GRID2: variants seen among roughly 807,000 people sequenced by gnomAD.
GRID2 encodes glutamate ionotropic receptor delta type subunit 2, also known as glutamate receptor ionotropic, delta-2.
A neutral mutation model predicts 114.8 loss-of-function variants in GRID2; 33 were observed. The ratio of observed to expected loss-of-function variants is 0.29; its 90% CI spans 0.22 to 0.38. The LOEUF (loss-of-function observed/expected upper bound fraction) is 0.38. Among genes scored for constraint, GRID2 ranks in the 10% least tolerant of loss-of-function variants. The pLI is 1.00. For synonymous variants in GRID2, 505 were observed against 449.9 expected, an observed-to-expected ratio of 1.12 and a Z score of -1.55; for missense variants, 1,184 against 1,257.7, an observed-to-expected ratio of 0.94 and a Z score of 0.89.
intron 1 of GRID2, among the ~76,000 whole-genome samples, chr4:92,533,446 C>CACATACATACATACATACAT (rs71579567): frequency 3.3e-5 from 5 of 149,904 alleles, no homozygotes; most frequent in African/African-American, 4.9e-5. Context: ...AGTACTAGGA[C>CACATACATACATACATACAT]ACATACATAC....
At chr4:92,318,308 ATTTTTTTT>A (rs201137595) in intron 1 of GRID2, among the ~76,000 whole-genome samples, 1 of 130,906 alleles carries the variant, frequency 7.6e-6, no homozygotes, top group South Asian at 2.3e-4. Flanking sequence ...ATATATATAT[ATTTTTTTT>A]TTTTTTTTTG....
intron 13 of GRID2, among the ~76,000 whole-genome samples, chr4:93,596,213 TG>T (rs1242355675): frequency 6.6e-6 from 1 of 152,240 alleles, no homozygotes; most frequent in Non-Finnish European, 1.5e-5. Flanking sequence ...ATATGTTTAA[TG>T]TACAATAAAT....
At position 93,727,051 on chromosome 4, in the gene GRID2, C is replaced by T. The variant is rs549595327; in HGVS notation, c.2361-42159C>T. 1.6e-3 allele frequency among the ~76,000 whole-genome samples: 244 copies of T among 152,292 alleles called. 1 individual carries two copies. Among genetic ancestry groups the T allele is most frequent in the African/African-American group, 5.7e-3 (238 of 41,566 alleles). Reference sequence around the variant, plus strand: ...AATAGGAGTGGCGAGAGAGGGCATCCCTGACTTGTGCCAGTTTTCAAAGGT... The same window carrying T: ...AATAGGAGTGGCGAGAGAGGGCATCTCTGACTTGTGCCAGTTTTCAAAGGT... On this transcript the variant is annotated intron_variant, in intron 14 of 15. Transcript: ENST00000282020.
chr4:92,979,601 A>AATGACAT (rs1195475291), intron 2 of GRID2, among the ~76,000 whole-genome samples: 1 of 152,164 alleles, frequency 6.6e-6, no homozygotes. Flanking sequence ...GCCTTCGAAC[A>AATGACAT]ATGACATATC....
intron 2 of GRID2, among the ~76,000 whole-genome samples, chr4:92,859,506 T>A (rs1000247678): frequency 6.6e-6 from 1 of 152,126 alleles, no homozygotes; most frequent in African/African-American, 2.4e-5. Context: ...AACAAAAAGA[T>A]CCAAAATGAA....
At chr4:93,323,052 T>A (rs1023636700) in intron 8 of GRID2, among the ~76,000 whole-genome samples, 1 of 152,202 alleles carries the variant, frequency 6.6e-6, no homozygotes, top group South Asian at 2.1e-4. Context: ...TTAGTTTAAT[T>A]AGATCACTTT....
intron 8 of GRID2, among the ~76,000 whole-genome samples, chr4:93,279,576 A>T (rs1454057159): frequency 6.6e-6 from 1 of 151,908 alleles, no homozygotes; most frequent in East Asian, 1.9e-4. Context: ...TACATAATCT[A>T]TTATGAGTCG....
At chr4:92,681,744 A>G (rs1560529675) in intron 2 of GRID2, among the ~76,000 whole-genome samples, 1 of 152,132 alleles carries the variant, frequency 6.6e-6, no homozygotes, top group African/African-American at 2.4e-5. Flanking sequence ...CCAATTGTAA[A>G]TTTTTCTAAA....
chr4:93,541,176 A>G (rs949318544), intron 13 of GRID2, among the ~76,000 whole-genome samples: 1 of 152,182 alleles, frequency 6.6e-6, no homozygotes, highest in African/African-American at 2.4e-5. Context: ...AAGGAAGACA[A>G]TGAAATCTAA....
chr4:93,645,126 A>G (rs540269914), intron 14 of GRID2, among the ~76,000 whole-genome samples: 1 of 152,316 alleles, frequency 6.6e-6, no homozygotes, highest in South Asian at 2.1e-4. Flanking sequence ...GTGAAGGCAA[A>G]AGAAATGAAA....
intron 13 of GRID2, among the ~76,000 whole-genome samples, chr4:93,517,621 C>G (rs1272271457): frequency 6.6e-6 from 1 of 151,890 alleles, no homozygotes; most frequent in African/African-American, 2.4e-5. Flanking sequence ...TCTTGGCCAG[C>G]TTCTATTAAA....
At chr4:93,225,425 C>T (rs1466612106) in intron 7 of GRID2, among the ~76,000 whole-genome samples, 1 of 152,104 alleles carries the variant, frequency 6.6e-6, no homozygotes, top group Non-Finnish European at 1.5e-5. Context: ...TCATGTCATC[C>T]TTCTTGACAT....
intron 4 of GRID2, 75 bp from the exon 5 acceptor site, chr4:93,207,329 C>A: frequency 3.0e-6 from 3 of 985,484 alleles, no homozygotes; most frequent in Non-Finnish European, 4.9e-6. Context: ...TTGTCATTTG[C>A]AAAGTATATT....
At chr4:93,217,002 T>C in intron 6 of GRID2, 91 bp downstream of exon 6, 1 of 821,814 alleles carries the variant, frequency 1.2e-6, no homozygotes, top group Non-Finnish European at 2.0e-6. Flanking sequence ...TTCAGAATTA[T>C]ACGTGTTATT....
intron 1 of GRID2, among the ~76,000 whole-genome samples, chr4:92,518,801 C>A (rs182399447): frequency 1.6e-3 from 237 of 151,946 alleles, no homozygotes; most frequent in Non-Finnish European, 2.1e-3. Context: ...TACATGGAAT[C>A]TCTTCAATTA....
intron 2 of GRID2, among the ~76,000 whole-genome samples, chr4:92,979,533 G>GT (rs1338224595): frequency 6.6e-6 from 1 of 152,096 alleles, no homozygotes; most frequent in African/African-American, 2.4e-5. Flanking sequence ...GCATGCTGAA[G>GT]TTTGCAAAAT....
intron 1 of GRID2, among the ~76,000 whole-genome samples, chr4:92,466,142 T>C (rs1189385583): frequency 6.6e-6 from 1 of 151,864 alleles, no homozygotes; most frequent in African/African-American, 2.4e-5. Context: ...CAGTTAATTT[T>C]ACTACACTAT....
At chr4:92,426,778 T>C (rs1290138202) in intron 1 of GRID2, among the ~76,000 whole-genome samples, 1 of 152,168 alleles carries the variant, frequency 6.6e-6, no homozygotes, top group Non-Finnish European at 1.5e-5. Flanking sequence ...TTCATGGACC[T>C]GAAGGGACCT....
intron 15 of GRID2, among the ~76,000 whole-genome samples, 159 bp from the exon 16 acceptor site, chr4:93,771,917 T>C (rs1436491533): frequency 6.6e-6 from 1 of 152,070 alleles, no homozygotes; most frequent in Non-Finnish European, 1.5e-5. Context: ...CCCCAGAACT[T>C]AGCACAGTGC....
Sources: gnomAD v4.1 joint callset for allele counts (sites outside exome capture counted in the v4.1 genomes callset) on GRCh38, gnomAD v4.1.1 for gene constraint, MANE v1.5 for transcripts, NCBI Gene and HGNC (gene_info 2026-07-23, HGNC 2026-07-21) for gene names.